Variants in CPPED1 observed in about 807,000 individuals in gnomAD.
CPPED1 encodes the protein serine/threonine-protein phosphatase CPPED1.
In CPPED1, 28 loss-of-function variants were observed where a neutral mutation model predicts 28.0. That is an observed-to-expected ratio of 1.00 (90% confidence interval 0.74 to 1.37). CPPED1 has a LOEUF of 1.37. Ranked by LOEUF, CPPED1 falls within the 40% of genes most tolerant of loss-of-function variation. CPPED1 has a pLI of 0.00. For missense variants in CPPED1, 504 were observed against 416.5 expected, an observed-to-expected ratio of 1.21 and a Z score of -1.83; for synonymous variants, 198 against 180.2, an observed-to-expected ratio of 1.10 and a Z score of -0.79.
intron 2 of CPPED1, among the ~76,000 whole-genome samples, chr16:12,718,896 T>C (rs1011156393): frequency 6.7e-6 from 1 of 149,438 alleles, no homozygotes; most frequent in Non-Finnish European, 1.5e-5. Flanking sequence ...CCAGGAGGGG[T>C]AGGTTGCAGT....
intron 3 of CPPED1, among the ~76,000 whole-genome samples, chr16:12,686,086 C>T (rs1004871177): frequency 6.6e-6 from 1 of 152,148 alleles, no homozygotes; most frequent in Non-Finnish European, 1.5e-5. Flanking sequence ...ATTCTCTGAG[C>T]TGGGGTGATG....
intron 2 of CPPED1, among the ~76,000 whole-genome samples, chr16:12,725,147 A>G (rs1157060497): frequency 6.6e-6 from 1 of 150,982 alleles, no homozygotes; most frequent in Non-Finnish European, 1.5e-5. Flanking sequence ...GCTAGAGTGC[A>G]GTGTGGTGTG....
At position 12,745,696 on chromosome 16, in the gene CPPED1, G is replaced by A. The variant is rs181123095; in HGVS notation, c.289+35489C>T. ...TAAGGCGGGAGGGTGGGAGGAGAGAGAGGAGCAGAAAAGATAACCATTGGG... is the reference window on the plus strand; with the variant it reads ...TAAGGCGGGAGGGTGGGAGGAGAGAAAGGAGCAGAAAAGATAACCATTGGG... On this transcript the variant is annotated intron_variant, in intron 2 of 3. Coordinates refer to ENST00000381774, the MANE Select transcript of CPPED1 (RefSeq NM_018340.3). Among the ~76,000 whole-genome samples the A allele has an allele frequency of 5.9e-5, 9 of 152,350 alleles. No homozygotes were observed. The East Asian group carries it at 1.7e-3, about 29-fold the overall frequency.
chr16:12,743,423 C>T (rs984850095), intron 2 of CPPED1, among the ~76,000 whole-genome samples: 4 of 152,040 alleles, frequency 2.6e-5, no homozygotes, highest in African/African-American at 4.8e-5. Flanking sequence ...GGATAAAGAA[C>T]GATTTCTTAA....
At position 12,704,714 on chromosome 16, in the gene CPPED1, A is replaced by G. The variant is rs1271672843; in HGVS notation, c.625T>C (p.Phe209Leu). The stretch of plus-strand genomic sequence containing the variant: ...TCGTCCTCGTCGATGCTCTCCAGGA[A>G]CAGCGGGATGTGCTGGAAGACGATG... ...HAIVFQHIPL[F>L]LESIDEDDDY... The change falls in exon 3 of 4, where the codon TTC becomes CTC. Residue 209 changes from phenylalanine to leucine, a missense_variant. Physicochemically the swap from Phe to Leu is conservative, Grantham distance 22. Coordinates refer to ENST00000381774, the MANE Select transcript of CPPED1 (RefSeq NM_018340.3). 2 of 1,614,202 alleles carry G rather than the reference A, an allele frequency of 1.2e-6. No homozygotes were observed. Among genetic ancestry groups the G allele is most frequent in the East Asian group, 4.5e-5 (2 of 44,890 alleles).
rs1310547739 is a variant in CPPED1, at chr16:12,790,622, A to G, written c.71-9219T>C. On this transcript the variant is annotated intron_variant, in intron 1 of 3. Transcript: ENST00000381774. The stretch of plus-strand genomic sequence containing the variant: ...AAATAGCTTTCTTAACTTGATTTTC[A>G]TAAGAAAAGTCACATTGGCCGGTCG... Among the ~76,000 whole-genome samples the G allele has an allele frequency of 5.3e-5, 8 of 152,290 alleles. No homozygotes were observed. In the East Asian group the frequency reaches 1.5e-3, roughly 29 times the overall value.
At chr16:12,776,360 G>C (rs746243521) in intron 2 of CPPED1, among the ~76,000 whole-genome samples, 28 of 152,292 alleles carry the variant, frequency 1.8e-4, no homozygotes, top group Admixed American at 3.3e-4. Context: ...GTGGTAATTT[G>C]TGATAGCAGG....
chr16:12,719,838 A>T (rs1166171328), intron 2 of CPPED1, among the ~76,000 whole-genome samples: 2 of 152,094 alleles, frequency 1.3e-5, no homozygotes, highest in Non-Finnish European at 2.9e-5. Context: ...CTGGAGGGTG[A>T]GGCAGGAGAA....
chr16:12,686,984 T>C (rs1033532768), intron 3 of CPPED1, among the ~76,000 whole-genome samples: 2 of 152,156 alleles, frequency 1.3e-5, no homozygotes, highest in African/African-American at 4.8e-5. Flanking sequence ...CTAAAGCCCA[T>C]TGCCCGCTTT....
chr16:12,756,331 G>C (rs1441082661), intron 2 of CPPED1, among the ~76,000 whole-genome samples: 4 of 152,146 alleles, frequency 2.6e-5, no homozygotes, highest in African/African-American at 9.7e-5. Context: ...GGAGTGATCT[G>C]CAACAATGCT....
chr16:12,781,869 G>A (rs2080533774), intron 1 of CPPED1, among the ~76,000 whole-genome samples: 1 of 152,114 alleles, frequency 6.6e-6, no homozygotes, highest in African/African-American at 2.4e-5. Context: ...CGGGGGATGT[G>A]ACAGAATTTT....
At chr16:12,766,191 G>A (rs893697079) in intron 2 of CPPED1, among the ~76,000 whole-genome samples, 4 of 149,838 alleles carry the variant, frequency 2.7e-5, no homozygotes, top group African/African-American at 1.0e-4. Flanking sequence ...TCAGGAGTTC[G>A]AGACCAGCCT....
intron 3 of CPPED1, among the ~76,000 whole-genome samples, chr16:12,680,555 G>C (rs983326997): frequency 1.3e-5 from 2 of 152,168 alleles, no homozygotes; most frequent in African/African-American, 4.8e-5. Flanking sequence ...GCTTCTCAGA[G>C]AGCATCCAGA....
intron 3 of CPPED1, among the ~76,000 whole-genome samples, chr16:12,668,217 A>G (rs377284354): frequency 2.0e-5 from 3 of 152,340 alleles, no homozygotes; most frequent in East Asian, 3.9e-4. Context: ...CTTCAGCAAA[A>G]GAAAGGATGA....
At chr16:12,766,363 C>G (rs921631887) in intron 2 of CPPED1, among the ~76,000 whole-genome samples, 1 of 151,396 alleles carries the variant, frequency 6.6e-6, no homozygotes, top group Non-Finnish European at 1.5e-5. Context: ...ATACCTCAGA[C>G]TGTGAAGGAA....
chr16:12,689,548 G>C (rs1596446847), intron 3 of CPPED1, among the ~76,000 whole-genome samples: 3 of 151,756 alleles, frequency 2.0e-5, no homozygotes, highest in African/African-American at 7.3e-5. Flanking sequence ...TTCTTAACAA[G>C]AAACTGTTCA....
At chr16:12,690,818 C>T (rs961787464) in intron 3 of CPPED1, among the ~76,000 whole-genome samples, 1 of 152,162 alleles carries the variant, frequency 6.6e-6, no homozygotes, top group African/African-American at 2.4e-5. Context: ...CCCTGTATTC[C>T]ACACCAAGTA....
intron 3 of CPPED1, among the ~76,000 whole-genome samples, chr16:12,687,484 G>T (rs994110605): frequency 3.9e-5 from 6 of 152,100 alleles, no homozygotes; most frequent in African/African-American, 1.4e-4. Context: ...ACAAGATTAA[G>T]AATGGTTATT....
intron 2 of CPPED1, among the ~76,000 whole-genome samples, chr16:12,780,021 G>A (rs1036578167): frequency 1.3e-5 from 2 of 152,154 alleles, no homozygotes; most frequent in Non-Finnish European, 1.5e-5. Flanking sequence ...AGTTCTAGAA[G>A]GTGTCTGTCA....
Sources: allele counts gnomAD v4.1 joint callset (sites outside exome capture counted in the v4.1 genomes callset), GRCh38; gene constraint gnomAD v4.1.1; transcripts MANE v1.5; gene names NCBI Gene and HGNC (gene_info 2026-07-23, HGNC 2026-07-21).